The following EEPD1 variants were observed in gnomAD, a reference collection of about 807,000 sequenced individuals.
EEPD1 encodes the protein endonuclease/exonuclease/phosphatase family domain containing 1.
In EEPD1, 17 loss-of-function variants were observed where a neutral mutation model predicts 46.3. That is an observed-to-expected ratio of 0.37 (90% confidence interval 0.25 to 0.55). The LOEUF (loss-of-function observed/expected upper bound fraction) is 0.55. Among genes scored for constraint, EEPD1 ranks in the 20% least tolerant of loss-of-function variants. EEPD1 has a pLI of 0.83. For synonymous variants in EEPD1, 313 were observed against 315.6 expected, an observed-to-expected ratio of 0.99 and a Z score of 0.09; for missense variants, 673 against 745.6, an observed-to-expected ratio of 0.90 and a Z score of 1.13.
rs1459525776 is a variant in EEPD1 at position 36,155,032 on chromosome 7, G to A, written c.708G>A (p.Gly236=). Residue 236 remains glycine (G), a synonymous_variant, in exon 2 of 8, where the codon GGG becomes GGA. Transcript: ENST00000242108. ...GTGAGGACCTGGACCTGCCGCCAGG[G>A]GGGCCCACCCAGATTATCTCCACTC... is the stretch of plus-strand genomic sequence containing the variant. The part of the protein sequence containing the change: ...LQSEDLDLPP[G]GPTQIISTRP... 1.9e-6 allele frequency: 3 copies of A among 1,604,534 alleles called. No individual in the cohort carries two copies. Among genetic ancestry groups the A allele is most frequent in the Middle Eastern group, 1.7e-4 (1 of 6,030 alleles).
intron 2 of EEPD1, among the ~76,000 whole-genome samples, chr7:36,200,917 C>T (rs1441785922): frequency 1.3e-5 from 2 of 152,182 alleles, no homozygotes; most frequent in East Asian, 3.8e-4. Flanking sequence ...GGGCAAACAG[C>T]AACTTTCCAT....
At chr7:36,268,443 G>A (rs747132352) in intron 3 of EEPD1, among the ~76,000 whole-genome samples, 3 of 152,170 alleles carry the variant, frequency 2.0e-5, no homozygotes, top group Non-Finnish European at 4.4e-5. Flanking sequence ...ACAGGCATGA[G>A]CCACCTTACC....
Position 36,299,315 on chromosome 7 carries a change from G to C in EEPD1, c.*109G>C. The C allele has an allele frequency of 1.5e-6, 2 of 1,305,822 alleles. No individual in the cohort carries two copies. Among genetic ancestry groups the C allele is most frequent in the Non-Finnish European group, 2.1e-6 (2 of 956,896 alleles). The allele number at this position is 1,305,822 out of a possible 1,614,324, so 80.9% of individuals were successfully genotyped here. ...AGCTGCCTTTTAATTTTTATTCTCA[G>C]AGCATCAGCACTTGAGGCCTTGCCC... On this transcript the variant is annotated 3_prime_UTR_variant, in exon 8 of 8. Transcript: ENST00000242108.
At chr7:36,232,895 A>G (rs1442191960) in intron 2 of EEPD1, among the ~76,000 whole-genome samples, 1 of 152,106 alleles carries the variant, frequency 6.6e-6, no homozygotes, top group Non-Finnish European at 1.5e-5. Flanking sequence ...TGGTTTTCAA[A>G]TCTTGTTCTG....
At chr7:36,259,926 T>TC (rs1228598643) in intron 3 of EEPD1, among the ~76,000 whole-genome samples, 1 of 152,264 alleles carries the variant, frequency 6.6e-6, no homozygotes, top group Non-Finnish European at 1.5e-5. Flanking sequence ...AGTTTTCATT[T>TC]GTTCCTGTGA....
rs1048127696 is a variant in EEPD1 at position 36,283,760 on chromosome 7, G to C, written c.1042-926G>C. On this transcript the variant is annotated intron_variant, in intron 4 of 7. Transcript: ENST00000242108. ...ATGTTCAGACAAGGCATGTGGCTTA[G>C]ACCAGAGCTGACCTTGGGGACTTTG... Among the ~76,000 whole-genome samples, 4 of 152,338 alleles carry C rather than the reference G, an allele frequency of 2.6e-5. No homozygotes were observed. In the East Asian group the frequency reaches 7.7e-4, roughly 29 times the overall value.
In EEPD1 at chr7:36,169,094, C is replaced by T. The variant is rs192335967; in HGVS notation, c.878+13892C>T. On this transcript the variant is annotated intron_variant, in intron 2 of 7. Coordinates refer to ENST00000242108, the MANE Select transcript of EEPD1 (RefSeq NM_030636.3). ...ATAATTTTCCACTATATAGATGTACCACATTTTCTTTATCCATTCATCAGG... is the reference window on the plus strand; with the variant it reads ...ATAATTTTCCACTATATAGATGTACTACATTTTCTTTATCCATTCATCAGG... 4.6e-4 allele frequency among the ~76,000 whole-genome samples: 70 copies of T among 152,068 alleles called. 1 individual carries two copies. In the East Asian group the frequency reaches 0.01, roughly 23 times the overall value.
At chr7:36,169,975 A>G (rs940067776) in intron 2 of EEPD1, among the ~76,000 whole-genome samples, 13 of 152,256 alleles carry the variant, frequency 8.5e-5, no homozygotes, top group African/African-American at 2.9e-4. Flanking sequence ...AATAACTCCA[A>G]TGAGAGGTGA....
At chr7:36,197,074 G>A (rs1415504062) in intron 2 of EEPD1, among the ~76,000 whole-genome samples, 2 of 150,136 alleles carry the variant, frequency 1.3e-5, no homozygotes, top group East Asian at 3.9e-4. Flanking sequence ...ACCCCGTCTG[G>A]GAGGTGAGGA....
intron 3 of EEPD1, among the ~76,000 whole-genome samples, chr7:36,279,183 T>C (rs186568755): frequency 6.6e-6 from 1 of 152,250 alleles, no homozygotes; most frequent in Admixed American, 6.5e-5. Context: ...GCCTTGAGTT[T>C]TCTGCTTCAC....
intron 3 of EEPD1, 37 bp from the exon 4 acceptor site, chr7:36,281,078 C>G: frequency 6.3e-7 from 1 of 1,597,154 alleles, no homozygotes; most frequent in Non-Finnish European, 8.6e-7. Flanking sequence ...GCTTTAGGCG[C>G]GAACCCACGC....
chr7:36,230,891 T>G (rs1458775992), intron 2 of EEPD1: 1 of 152,222 alleles, frequency 6.6e-6, no homozygotes, highest in African/African-American at 2.4e-5. Context: ...TCATTGTCTG[T>G]TACATATTGC....
At position 36,166,930 on chromosome 7, in the gene EEPD1, G is replaced by A. The variant is rs1342233045; in HGVS notation, c.878+11728G>A. On this transcript the variant is annotated intron_variant, in intron 2 of 7. Transcript: ENST00000242108. ...TGCCATAATGAAGTCCCACAGACTG[G>A]GGGGCTTCAACCACAGAAATGATTG... 1.3e-5 allele frequency among the ~76,000 whole-genome samples: 2 copies of A among 152,200 alleles called. 1 individual carries two copies. Among genetic ancestry groups the A allele is most frequent in the Admixed American group, 1.3e-4 (2 of 15,286 alleles).
intron 2 of EEPD1, among the ~76,000 whole-genome samples, chr7:36,189,198 AC>A (rs1785418024): frequency 2.5e-5 from 1 of 39,654 alleles, no homozygotes; most frequent in Non-Finnish European, 9.9e-5. Flanking sequence ...CTGGGAGGGT[AC>A]TATCCAGCGC....
chr7:36,270,654 G>A (rs1311130281), intron 3 of EEPD1, among the ~76,000 whole-genome samples: 1 of 152,158 alleles, frequency 6.6e-6, no homozygotes, highest in Non-Finnish European at 1.5e-5. Flanking sequence ...TTTTATGACT[G>A]CATGGTATTC....
At chr7:36,277,588 AG>A (rs1490788889) in intron 3 of EEPD1, among the ~76,000 whole-genome samples, 1 of 152,198 alleles carries the variant, frequency 6.6e-6, no homozygotes, top group Non-Finnish European at 1.5e-5. Flanking sequence ...TTGAGTAGCA[AG>A]CGTCTGAAAG....
At chr7:36,269,635 C>T (rs1787072098) in intron 3 of EEPD1, among the ~76,000 whole-genome samples, 2 of 152,174 alleles carry the variant, frequency 1.3e-5, no homozygotes, top group Admixed American at 6.5e-5. Context: ...GTGGCTCACG[C>T]CCGGAATCCC....
rs140401613 is a variant in EEPD1, at chr7:36,290,178, C to T, written c.1315+2401C>T. 1.3e-3 allele frequency among the ~76,000 whole-genome samples: 200 copies of T among 152,218 alleles called. 1 individual carries two copies. The highest frequency in any genetic ancestry group is 4.5e-3 in the African/African-American group (188 of 41,518). ...TTGTGGAAGCAGAAAGGAAAGATGC[C>T]AGCTCATAACTTCTTTGACAGCCTT... On this transcript the variant is annotated intron_variant, in intron 6 of 7. Transcript: ENST00000242108.
rs569055873 is a variant in EEPD1 at position 36,196,757 on chromosome 7, C to T, written c.878+41555C>T. Among the ~76,000 whole-genome samples the T allele has an allele frequency of 5.3e-5, 8 of 152,314 alleles. No homozygotes were observed. In the South Asian group the frequency reaches 8.3e-4, roughly 16 times the overall value. On this transcript the variant is annotated intron_variant, in intron 2 of 7. Coordinates refer to ENST00000242108, the MANE Select transcript of EEPD1 (RefSeq NM_030636.3). ...GGAGTGCAGTGGCGTGATCTCGGCT[C>T]GCTACGGCCTCCACCTCCCAGCCGC...
Sources: allele counts gnomAD v4.1 joint callset (sites outside exome capture counted in the v4.1 genomes callset), GRCh38; gene constraint gnomAD v4.1.1; transcripts MANE v1.5; gene names NCBI Gene and HGNC (gene_info 2026-07-23, HGNC 2026-07-21).